The following WDR41 variants were observed in gnomAD, a reference collection of about 807,000 sequenced individuals.
WDR41 encodes the protein WD repeat domain 41, also known as WD repeat-containing protein 41.
Under a neutral mutation model 69.3 loss-of-function variants are expected in WDR41, and 63 were observed. The ratio of observed to expected loss-of-function variants is 0.91; its 90% CI spans 0.74 to 1.12. The LOEUF (loss-of-function observed/expected upper bound fraction) is 1.12. Ranked by LOEUF, WDR41 falls within the 50% of genes most tolerant of loss-of-function variation. The pLI is 0.00. For missense variants in WDR41, 543 were observed against 534.5 expected (o/e 1.02, Z -0.16); for synonymous variants, 185 against 192.1 (o/e 0.96, Z 0.31).
intron 1 of WDR41, among the ~76,000 whole-genome samples, chr5:77,539,088 T>C (rs941681426): frequency 2.6e-5 from 4 of 152,080 alleles, no homozygotes; most frequent in Non-Finnish European, 5.9e-5. Flanking sequence ...AGAGAGATCA[T>C]CTTTCTGGTA....
At chr5:77,460,087 G>C (rs889671488) in intron 4 of WDR41, among the ~76,000 whole-genome samples, 1 of 152,188 alleles carries the variant, frequency 6.6e-6, no homozygotes, top group Non-Finnish European at 1.5e-5. Context: ...AGCTGACTAG[G>C]AAGGAGCTGC....
At chr5:77,452,301 A>G (rs189195) in intron 6 of WDR41, 139,065 of 152,298 alleles carry the variant, frequency 0.91, 63,718 homozygotes, top group East Asian at 1. Context: ...AGCAGGGTGG[A>G]TAGCAAGAGA....
At chr5:77,563,288 A>G (rs2112260877) in intron 1 of WDR41, among the ~76,000 whole-genome samples, 1 of 152,186 alleles carries the variant, frequency 6.6e-6, no homozygotes, top group African/African-American at 2.4e-5. Context: ...GTCTCACTTT[A>G]TATATAATTT....
chr5:77,486,743 G>A (rs1397897672), intron 2 of WDR41, among the ~76,000 whole-genome samples: 1 of 152,064 alleles, frequency 6.6e-6, no homozygotes, highest in South Asian at 2.1e-4. Flanking sequence ...GCTGACAGAG[G>A]CATAAGTGAA....
chr5:77,546,092 T>C, intron 1 of WDR41: 1 of 533,094 alleles, frequency 1.9e-6, no homozygotes, highest in Admixed American at 3.2e-5. Flanking sequence ...CCTGGGCAAC[T>C]TCGGCAAGGC....
chr5:77,466,806 ATTT>A (rs201249403), intron 2 of WDR41, among the ~76,000 whole-genome samples: 148 of 135,244 alleles, frequency 1.1e-3, no homozygotes, highest in African/African-American at 3.6e-3. Context: ...TATTGCTACC[ATTT>A]TTTTTTTTTT....
At chr5:77,603,768 G>A (rs1407656761) in intron 1 of WDR41, among the ~76,000 whole-genome samples, 2 of 152,246 alleles carry the variant, frequency 1.3e-5, no homozygotes, top group African/African-American at 2.4e-5. Context: ...AGAAACAGGA[G>A]TCCAGTTTGA....
At chr5:77,465,173 C>T (rs1042075941) in intron 2 of WDR41, among the ~76,000 whole-genome samples, 9 of 152,036 alleles carry the variant, frequency 5.9e-5, no homozygotes, top group African/African-American at 1.2e-4. Flanking sequence ...GAAGTGATTA[C>T]GATGTTAAAT....
At chr5:77,464,045 T>TAAA (rs10667562) in intron 3 of WDR41, among the ~76,000 whole-genome samples, 3 of 148,514 alleles carry the variant, frequency 2.0e-5, no homozygotes, top group East Asian at 1.9e-4. Context: ...AGTATTTATT[T>TAAA]AAAAAAAAAA....
chr5:77,460,329 G>A (rs905444389), intron 4 of WDR41, among the ~76,000 whole-genome samples: 1 of 152,126 alleles, frequency 6.6e-6, no homozygotes, highest in Non-Finnish European at 1.5e-5. Context: ...TACATTTTAT[G>A]TATATAACAC....
At chr5:77,521,300 G>C (rs1802367410) in intron 1 of WDR41, among the ~76,000 whole-genome samples, 1 of 152,248 alleles carries the variant, frequency 6.6e-6, no homozygotes, top group Non-Finnish European at 1.5e-5. Flanking sequence ...GCTCCTGTGA[G>C]AATCTAATGC....
At chr5:77,492,063 C>G (rs1419809351) in intron 1 of WDR41, 107 bp downstream of exon 1, 1 of 1,393,662 alleles carries the variant, frequency 7.2e-7, no homozygotes, top group Non-Finnish European at 9.8e-7. Flanking sequence ...CAGCCAGCCC[C>G]GCCTCCGCCC....
intron 8 of WDR41, among the ~76,000 whole-genome samples, chr5:77,448,424 A>ATGGCTAT (rs1319923611): frequency 6.6e-5 from 10 of 152,242 alleles, no homozygotes; most frequent in African/African-American, 2.4e-4. Context: ...TTACAATAAG[A>ATGGCTAT]TGGCTATTTG....
chr5:77,524,972 G>A (rs1802424376), intron 1 of WDR41, among the ~76,000 whole-genome samples: 1 of 152,092 alleles, frequency 6.6e-6, no homozygotes, highest in South Asian at 2.1e-4. Context: ...CTAAATATTT[G>A]CAGAAAATCA....
chr5:77,544,985 T>C (rs112234272), intron 1 of WDR41, among the ~76,000 whole-genome samples: 2,747 of 152,106 alleles, frequency 0.018, 86 homozygotes, highest in African/African-American at 0.063. Flanking sequence ...CAGACCACAG[T>C]GGAATAAAAC....
chr5:77,512,349 AGAGT>A (rs1180060436), intron 1 of WDR41, among the ~76,000 whole-genome samples: 1 of 126,360 alleles, frequency 7.9e-6, no homozygotes, highest in Non-Finnish European at 1.6e-5. Context: ...AGAGAGAGAG[AGAGT>A]GAGTGTGTGT....
chr5:77,562,993 C>A (rs1344598306), intron 1 of WDR41, among the ~76,000 whole-genome samples: 1 of 152,102 alleles, frequency 6.6e-6, no homozygotes, highest in Non-Finnish European at 1.5e-5. Context: ...ATGAGGGACA[C>A]ATTTTATCTC....
chr5:77,597,931 C>T (rs1042503764), intron 1 of WDR41, among the ~76,000 whole-genome samples: 1 of 152,162 alleles, frequency 6.6e-6, no homozygotes, highest in African/African-American at 2.4e-5. Context: ...AAATACGCCA[C>T]ATTTGGATTC....
chr5:77,507,090 A>AT, intron 1 of WDR41, among the ~76,000 whole-genome samples: 1 of 152,330 alleles, frequency 6.6e-6, no homozygotes, highest in South Asian at 2.1e-4. Flanking sequence ...AAATTCTTGC[A>AT]TTTTAAGAAG....
Sources: gnomAD v4.1 joint callset for allele counts (sites outside exome capture counted in the v4.1 genomes callset) on GRCh38, gnomAD v4.1.1 for gene constraint, MANE v1.5 for transcripts, NCBI Gene and HGNC (gene_info 2026-07-23, HGNC 2026-07-21) for gene names.